Variants in SCYL3 observed in about 807,000 individuals in gnomAD.
SCYL3 encodes the protein protein-associating with the carboxyl-terminal domain of ezrin.
A neutral mutation model predicts 73.8 loss-of-function variants in SCYL3; 35 were observed. The observed-to-expected ratio is 0.47, with a 90% CI of 0.36 to 0.63. The LOEUF (loss-of-function observed/expected upper bound fraction) is 0.63. SCYL3 is among the 20% of genes least tolerant of loss of function. The probability of loss-of-function intolerance (pLI) is 0.00; values close to 1 mark genes in which losing one functional copy is unlikely to be tolerated. For synonymous variants in SCYL3, 277 were observed against 295.2 expected (o/e 0.94, Z 0.63); for missense variants, 712 against 798.9 (o/e 0.89, Z 1.31).
chr1:169,855,908 G>C lies in SCYL3; in HGVS notation c.1313-944C>G, dbSNP rs745942798. ...ATATGCTAGAGAAGGGGTTCTCCAA[G>C]ATTGGCGAGATCTGACTGTGATGGC... is the stretch of plus-strand genomic sequence containing the variant. On this transcript the variant is annotated intron_variant, in intron 11 of 12. Transcript: ENST00000367771. The C allele has an allele frequency of 1.9e-6, 3 of 1,613,852 alleles. No individual in the cohort carries two copies. In the African/African-American group the frequency reaches 4.0e-5, roughly 22 times the overall value.
At chr1:169,862,587 A>G in intron 10 of SCYL3, 26 bp downstream of exon 10, 2 of 1,612,330 alleles carry the variant, frequency 1.2e-6, no homozygotes, top group Non-Finnish European at 1.7e-6. Flanking sequence ...TTCTGTGACT[A>G]CCCCACTGCA....
rs1191123564 is a variant in SCYL3, at chr1:169,854,879, T to A, written c.1398A>T (p.Pro466=). ...KNTSEDSENF[P]SSSKKSEEWP... is the part of the protein sequence containing the mutation. ...ACTCCTCAGACTTTTTAGAACTTGA[T>A]GGGAAGTTTTCACTGTCCTCCGAAG... is the stretch of plus-strand genomic sequence containing the variant. Residue 466 remains proline, a synonymous_variant, in exon 12 of 13, where the codon CCA becomes CCT. Transcript: ENST00000367771. 6.2e-7 allele frequency: 1 copy of A among 1,613,976 alleles called. No individual in the cohort carries two copies. The highest frequency in any genetic ancestry group is 8.5e-7 in the Non-Finnish European group (1 of 1,179,874).
intron 9 of SCYL3, 66 bp from the exon 10 acceptor site, chr1:169,862,863 A>G: frequency 2.0e-6 from 3 of 1,497,330 alleles, no homozygotes; most frequent in Non-Finnish European, 2.8e-6. Context: ...AGTATTAAGC[A>G]TAATTCATAC....
Position 169,854,341 on chromosome 1 carries a change from C to T in SCYL3, c.1936G>A (p.Val646Ile). ...LILPELRTEM[V>I]PKKDDVSPVM... ...GGGGAGACATCATCCTTTTTTGGGACCATTTCTGTCCTCAGTTCAGGTAAT... is the reference window on the plus strand; with the variant it reads ...GGGGAGACATCATCCTTTTTTGGGATCATTTCTGTCCTCAGTTCAGGTAAT... The change falls in exon 12 of 13, where the codon GTC becomes ATC. Residue 646 changes from valine to isoleucine, a missense_variant. Coordinates refer to ENST00000367771, the MANE Select transcript of SCYL3 (RefSeq NM_020423.7). 10 of 1,612,046 alleles carry T rather than the reference C, an allele frequency of 6.2e-6. No homozygotes were observed. The highest frequency in any genetic ancestry group is 8.5e-6 in the Non-Finnish European group (10 of 1,179,488).
At chr1:169,878,891 G>C in intron 2 of SCYL3, 72 bp from the exon 3 acceptor site, 2 of 1,350,656 alleles carry the variant, frequency 1.5e-6, no homozygotes, top group Non-Finnish European at 2.0e-6. Flanking sequence ...TACATTATGG[G>C]GGAAATCAGA....
rs760343179 is a variant in SCYL3 at position 169,862,722 on chromosome 1, T to C, written c.1031A>G (p.Gln344Arg). The C allele has an allele frequency of 6.2e-7, 1 of 1,613,982 alleles. No homozygotes were observed. Among genetic ancestry groups the C allele is most frequent in the Non-Finnish European group, 8.5e-7 (1 of 1,179,984 alleles). ...ATGCTCTTCATGAACTTCAAACAAC[T>C]GGAGAAGCACGGGGATCACCCGTGA... Reference protein sequence around the residue: ...FQSRVIPVLLQLFEVHEEHVR... With the variant: ...FQSRVIPVLLRLFEVHEEHVR... Residue 344 changes from glutamine to arginine, a missense_variant, in exon 10 of 13, where the codon CAG becomes CGG. Physicochemically the swap from Gln to Arg is conservative, Grantham distance 43 (BLOSUM62 1). This residue lies in a region of SCYL3 where 342 missense variants were observed against 448.1 expected (regional missense o/e 0.76). Transcript: ENST00000367771.
intron 11 of SCYL3, among the ~76,000 whole-genome samples, chr1:169,857,081 A>G (rs1046683151): frequency 5.3e-5 from 8 of 152,296 alleles, no homozygotes; most frequent in Admixed American, 3.9e-4. Flanking sequence ...AATTACTGCT[A>G]CCTCCCAGGT....
At chr1:169,891,772 G>A (rs1662102965) in intron 1 of SCYL3, among the ~76,000 whole-genome samples, 1 of 152,234 alleles carries the variant, frequency 6.6e-6, no homozygotes, top group Admixed American at 6.5e-5. Context: ...GCAGTCACCA[G>A]AGGCAAGAGA....
intron 1 of SCYL3, among the ~76,000 whole-genome samples, chr1:169,893,470 C>T (rs1253622211): frequency 6.6e-6 from 1 of 152,116 alleles, no homozygotes; most frequent in Non-Finnish European, 1.5e-5. Flanking sequence ...TTCGCTGGCC[C>T]CTCACCTTCC....
chr1:169,869,878 T>C (rs1005859338), intron 6 of SCYL3, among the ~76,000 whole-genome samples: 1 of 152,236 alleles, frequency 6.6e-6, no homozygotes, highest in African/African-American at 2.4e-5. Flanking sequence ...CAAAAAATTA[T>C]GAATTTTACC....
intron 11 of SCYL3, among the ~76,000 whole-genome samples, chr1:169,855,422 G>C (rs1343133067): frequency 6.6e-6 from 1 of 152,170 alleles, no homozygotes; most frequent in South Asian, 2.1e-4. Flanking sequence ...CCTGTGCAAT[G>C]TGTTAATGAC....
In SCYL3 at chr1:169,888,876, C is replaced by G. The variant is rs539238224; in HGVS notation, c.-36G>C. The G allele has an allele frequency of 3.9e-6, 6 of 1,523,830 alleles. No individual in the cohort carries two copies. Among genetic ancestry groups the G allele is most frequent in the Non-Finnish European group, 5.3e-6 (6 of 1,132,050 alleles). 94.4% of individuals were successfully genotyped at this position (1,523,830 alleles called of 1,614,324 possible). A position where few individuals can be genotyped will look rare whatever the true frequency, so the allele number is the denominator to read the frequency against. ...GTGAGGCAGTACTGCCACTCTTCCT[C>G]AAAGCCAAGCAGATCTAAAAGAAAA... On this transcript the variant is annotated 5_prime_UTR_variant, in exon 2 of 13. Coordinates refer to ENST00000367771, the MANE Select transcript of SCYL3 (RefSeq NM_020423.7).
chr1:169,885,605 T>C (rs931102414), intron 2 of SCYL3, among the ~76,000 whole-genome samples: 1 of 152,308 alleles, frequency 6.6e-6, no homozygotes, highest in Non-Finnish European at 1.5e-5. Context: ...AGATGCTTTT[T>C]TTTTTGTAAA....
intron 11 of SCYL3, among the ~76,000 whole-genome samples, chr1:169,857,205 A>G (rs1659251262): frequency 1.3e-5 from 2 of 152,230 alleles, no homozygotes; most frequent in Admixed American, 6.5e-5. Context: ...TCTAGTGTTA[A>G]TAAGAATTGA....
In SCYL3 at chr1:169,852,400, AAT is replaced by A. The variant is rs1658486927; in HGVS notation, c.*1311_*1312del. 2.4e-5 allele frequency: 6 copies of A among 250,846 alleles called. No individual in the cohort carries two copies. The highest frequency in any genetic ancestry group is 4.9e-5 in the South Asian group (1 of 20,422). The allele number at this position is 250,846 out of a possible 1,614,324, so 15.5% of individuals were successfully genotyped here. Reference sequence around the variant, plus strand: ...TTGTTTTGAGCACTATTAGTATAGTAATTAGTATAGTAGTAATTCATGAAGAA... The same window carrying A: ...TTGTTTTGAGCACTATTAGTATAGTATAGTATAGTAGTAATTCATGAAGAA... On this transcript the variant is annotated 3_prime_UTR_variant, in exon 13 of 13. Transcript: ENST00000367771.
rs534891733 is a variant in SCYL3, at chr1:169,887,555, G to A, written c.165+1121C>T. 2.4e-4 allele frequency among the ~76,000 whole-genome samples: 36 copies of A among 152,206 alleles called. 1 individual carries two copies. In the South Asian group the frequency reaches 6.0e-3, roughly 25 times the overall value. Reference sequence around the variant, plus strand: ...ACATTAACTGTAAGAACAAGAAAGCGAAGTAAGGCATTTTGTCTTTTGTAA... The same window carrying A: ...ACATTAACTGTAAGAACAAGAAAGCAAAGTAAGGCATTTTGTCTTTTGTAA... On this transcript the variant is annotated intron_variant, in intron 2 of 12. Transcript: ENST00000367771.
chr1:169,867,880 T>G (rs1446355831), intron 7 of SCYL3, among the ~76,000 whole-genome samples: 1 of 152,098 alleles, frequency 6.6e-6, no homozygotes, highest in East Asian at 1.9e-4. Context: ...TTACACAGAG[T>G]GATGAGAGAA....
intron 6 of SCYL3, among the ~76,000 whole-genome samples, chr1:169,869,797 GAA>G (rs1360590647): frequency 6.6e-6 from 1 of 152,164 alleles, no homozygotes; most frequent in Non-Finnish European, 1.5e-5. Context: ...AGAAAAAAGT[GAA>G]GAGTAAATTA....
intron 6 of SCYL3, 95 bp from the exon 7 acceptor site, chr1:169,869,134 A>G (rs1341080296): frequency 1.1e-6 from 1 of 935,434 alleles, no homozygotes; most frequent in Non-Finnish European, 1.7e-6. Flanking sequence ...CCAACCTGTA[A>G]AAGCCCAAAC....
Sources: gnomAD v4.1 joint callset for allele counts (sites outside exome capture counted in the v4.1 genomes callset) on GRCh38, gnomAD v4.1.1 for gene constraint, gnomAD v4.1.1 regional missense constraint, MANE v1.5 for transcripts, NCBI Gene and HGNC (gene_info 2026-07-23, HGNC 2026-07-21) for gene names.